The following NEBL variants were observed in gnomAD, a reference collection of about 807,000 sequenced individuals.
NEBL encodes the protein LIM and SH3 protein 2.
Under a neutral mutation model 140.2 loss-of-function variants are expected in NEBL, and 122 were observed. The observed-to-expected ratio is 0.87, with a 90% CI of 0.75 to 1.01. The LOEUF is 1.01. Ranked by LOEUF, NEBL falls within the 50% of genes least tolerant of loss-of-function variation. The probability of loss-of-function intolerance (pLI) is 0.00; values close to 1 mark genes in which losing one functional copy is unlikely to be tolerated. For synonymous variants in NEBL, 436 were observed against 398.9 expected (o/e 1.09, Z -1.11); for missense variants, 1,365 against 1,231.3 (o/e 1.11, Z -1.62).
chr10:21,189,837 C>A (rs1056690405), intron 3 of NEBL, among the ~76,000 whole-genome samples: 1 of 152,176 alleles, frequency 6.6e-6, no homozygotes, highest in Non-Finnish European at 1.5e-5. Flanking sequence ...ACTAATCCAA[C>A]AATTTGGAAA....
At chr10:20,795,549 G>A (rs1025561736) in intron 26 of NEBL, among the ~76,000 whole-genome samples, 1 of 145,542 alleles carries the variant, frequency 6.9e-6, no homozygotes, top group African/African-American at 2.5e-5. Flanking sequence ...GAGAGAGAGT[G>A]TGCGTGTGCA....
intron 1 of NEBL, among the ~76,000 whole-genome samples, chr10:21,287,338 C>A (rs527818805): frequency 6.6e-6 from 1 of 152,192 alleles, no homozygotes; most frequent in African/African-American, 2.4e-5. Context: ...GAGTCTGGGA[C>A]CAGCCTGGGC....
chr10:20,975,613 A>G (rs1836761013), intron 3 of NEBL, among the ~76,000 whole-genome samples: 1 of 152,220 alleles, frequency 6.6e-6, no homozygotes, highest in African/African-American at 2.4e-5. Flanking sequence ...CTTTCAGAGT[A>G]TAACGAAACC....
At chr10:20,789,357 G>A (rs1296177185) in intron 26 of NEBL, among the ~76,000 whole-genome samples, 1 of 152,134 alleles carries the variant, frequency 6.6e-6, no homozygotes, top group African/African-American at 2.4e-5. Flanking sequence ...AATGTGTAGA[G>A]GTAAGCACAG....
At chr10:20,923,812 C>G (rs1238749944) in intron 4 of NEBL, among the ~76,000 whole-genome samples, 1 of 151,242 alleles carries the variant, frequency 6.6e-6, no homozygotes, top group Non-Finnish European at 1.5e-5. Flanking sequence ...AGAACCTGTT[C>G]TCTATCAACA....
chr10:21,266,505 A>C (rs757106547), intron 1 of NEBL, among the ~76,000 whole-genome samples: 2 of 152,164 alleles, frequency 1.3e-5, no homozygotes, highest in Non-Finnish European at 2.9e-5. Flanking sequence ...GCGAATACTC[A>C]ATGGAAGATG....
At chr10:20,828,080 T>TA (rs139196791) in intron 17 of NEBL, among the ~76,000 whole-genome samples, 10,423 of 147,220 alleles carry the variant, frequency 0.071, 431 homozygotes, top group East Asian at 0.12. Context: ...AAATAAAAGT[T>TA]AAAAAAAAAA....
intron 2 of NEBL, among the ~76,000 whole-genome samples, chr10:21,089,621 G>A (rs1836814500): frequency 6.6e-6 from 1 of 152,020 alleles, no homozygotes; most frequent in Non-Finnish European, 1.5e-5. Flanking sequence ...GCAAAAAGTG[G>A]GTGAAAGCCT....
At chr10:20,898,850 C>T (rs1400562813), upstream of NEBL, among the ~76,000 whole-genome samples, 2 of 152,166 alleles carry the variant, frequency 1.3e-5, no homozygotes, top group African/African-American at 4.8e-5. Flanking sequence ...TAACACTCCT[C>T]TGTGAAATAT....
chr10:20,806,055 T>G (rs1837590934), intron 26 of NEBL, among the ~76,000 whole-genome samples: 1 of 152,180 alleles, frequency 6.6e-6, no homozygotes, highest in African/African-American at 2.4e-5. Flanking sequence ...CTTCTTCCAA[T>G]GAGACATTTT....
chr10:20,830,908 A>G lies in NEBL; in HGVS notation c.1671+288T>C, dbSNP rs113640261. Reference sequence around the variant, plus strand: ...GAAAGAGTGAGACCTCCATCTCTAAAATTTAAAAAAAAAAAAAAAAAAAAA... The same window carrying G: ...GAAAGAGTGAGACCTCCATCTCTAAGATTTAAAAAAAAAAAAAAAAAAAAA... On this transcript the variant is annotated intron_variant, in intron 16 of 27. Transcript: ENST00000377122. Among the ~76,000 whole-genome samples, 1,549 of 107,846 alleles carry G rather than the reference A, an allele frequency of 0.014. 17 individuals are homozygous for G. Among genetic ancestry groups the G allele is most frequent in the African/African-American group, 0.058 (1,474 of 25,384 alleles). 70.8% of individuals were successfully genotyped at this position (107,846 alleles called of 152,430 possible). A position where few individuals can be genotyped will look rare whatever the true frequency, so the allele number is the denominator to read the frequency against.
At chr10:20,858,796 T>C (rs1230673926) in intron 8 of NEBL, among the ~76,000 whole-genome samples, 1 of 152,198 alleles carries the variant, frequency 6.6e-6, no homozygotes, top group African/African-American at 2.4e-5. Context: ...ATAGCAAGCA[T>C]ATCACACACT....
chr10:20,994,760 A>C (rs1306170239), intron 3 of NEBL, among the ~76,000 whole-genome samples: 1 of 152,220 alleles, frequency 6.6e-6, no homozygotes, highest in East Asian at 1.9e-4. Flanking sequence ...TAGAGAAAAA[A>C]TGTTATTAAG....
At chr10:21,153,017 C>G (rs1840202444) in intron 2 of NEBL, among the ~76,000 whole-genome samples, 1 of 152,180 alleles carries the variant, frequency 6.6e-6, no homozygotes, top group Non-Finnish European at 1.5e-5. Context: ...GGCTGAGAAA[C>G]TCCAGTCTCC....
At chr10:20,984,719 A>T (rs1837185331) in intron 3 of NEBL, among the ~76,000 whole-genome samples, 1 of 152,046 alleles carries the variant, frequency 6.6e-6, no homozygotes, top group East Asian at 1.9e-4. Flanking sequence ...GCTGTAAAGC[A>T]GAGGTCCCCA....
chr10:21,138,831 A>C (rs1026919253), intron 2 of NEBL, among the ~76,000 whole-genome samples: 1 of 152,098 alleles, frequency 6.6e-6, no homozygotes, highest in Non-Finnish European at 1.5e-5. Flanking sequence ...TTAAAAAAAA[A>C]AAAAAAAAGA....
At chr10:20,901,190 A>G (rs1847855472), upstream of NEBL, among the ~76,000 whole-genome samples, 1 of 152,200 alleles carries the variant, frequency 6.6e-6, no homozygotes, top group South Asian at 2.1e-4. Flanking sequence ...GGCCTTCTGC[A>G]ACTAGACAGC....
At chr10:21,276,572 A>C (rs1842927562) in intron 1 of NEBL, among the ~76,000 whole-genome samples, 2 of 152,150 alleles carry the variant, frequency 1.3e-5, no homozygotes, top group South Asian at 4.1e-4. Flanking sequence ...CATGCCTATA[A>C]TCCCAGCCTT....
intron 3 of NEBL, among the ~76,000 whole-genome samples, chr10:21,012,910 A>G (rs533114614): frequency 6.6e-6 from 1 of 152,288 alleles, no homozygotes; most frequent in East Asian, 1.9e-4. Flanking sequence ...TGGGAAACAG[A>G]TGAAAAGGAT....
Sources: gnomAD v4.1 joint callset for allele counts (sites outside exome capture counted in the v4.1 genomes callset) on GRCh38, gnomAD v4.1.1 for gene constraint, MANE v1.5 for transcripts, NCBI Gene and HGNC (gene_info 2026-07-23, HGNC 2026-07-21) for gene names.